The following MKS1 variants were observed in gnomAD, a reference collection of about 807,000 sequenced individuals.
MKS1 encodes MKS transition zone complex subunit 1, also known as tectonic-like complex member MKS1.
MKS1 carries 70 observed loss-of-function variants against 83.7 expected under a neutral mutation model. That is an observed-to-expected ratio of 0.84 (90% CI 0.69 to 1.02). The LOEUF is 1.02. MKS1 is among the 50% of genes least tolerant of loss of function. The pLI is 0.00. For synonymous variants in MKS1, 251 were observed against 273.4 expected (o/e 0.92, Z 0.81); for missense variants, 681 against 726.9 (o/e 0.94, Z 0.73).
chr17:58,216,640 A>C, intron 3 of MKS1, 26 bp downstream of exon 3: 1 of 1,611,562 alleles, frequency 6.2e-7, no homozygotes, highest in Middle Eastern at 1.6e-4. Context: ...TGGAATAGAC[A>C]GAGAAGACAA....
At chr17:58,208,027 G>C (rs1286584328) in intron 13 of MKS1, 26 bp from the exon 14 acceptor site, 6 of 1,611,434 alleles carry the variant, frequency 3.7e-6, no homozygotes, top group Non-Finnish European at 5.1e-6. Flanking sequence ...GAAGCGGCCA[G>C]GTCACAGGCG....
Position 58,205,935 on chromosome 17 carries a change from G to T in MKS1, c.*144C>A. On this transcript the variant is annotated 3_prime_UTR_variant, in exon 18 of 18. Coordinates refer to ENST00000393119, the MANE Select transcript of MKS1 (RefSeq NM_017777.4). ...AAGACCCTGCAGAAGGCTAGGCAGA[G>T]GGGCCAGCCGGGAATTTCCCAGCTT... The T allele has an allele frequency of 6.6e-7, 1 of 1,511,490 alleles. No individual in the cohort carries two copies. Among genetic ancestry groups the T allele is most frequent in the Admixed American group, 2.0e-5 (1 of 49,014 alleles). The allele number at this position is 1,511,490 out of a possible 1,614,324, so 93.6% of individuals were successfully genotyped here. A position where few individuals can be genotyped will look rare whatever the true frequency, so the allele number is the denominator to read the frequency against.
intron 5 of MKS1, among the ~76,000 whole-genome samples, 168 bp downstream of exon 5, chr17:58,214,573 G>A (rs1969079997): frequency 6.6e-6 from 1 of 152,098 alleles, no homozygotes; most frequent in South Asian, 2.1e-4. Context: ...TTGGAAAAAT[G>A]TCCACATGAA....
At chr17:58,213,915 G>A (rs1969034481) in intron 6 of MKS1, 46 bp from the exon 7 acceptor site, 3 of 1,506,206 alleles carry the variant, frequency 2.0e-6, no homozygotes, top group South Asian at 1.1e-5. Context: ...GGTCCTTCAG[G>A]GAAACAAGAA....
At chr17:58,212,614 G>T (rs1234966172) in intron 8 of MKS1, among the ~76,000 whole-genome samples, 180 bp from the exon 9 acceptor site, 1 of 152,212 alleles carries the variant, frequency 6.6e-6, no homozygotes, top group East Asian at 1.9e-4. Context: ...GTCTGGGGCA[G>T]AATCCTGACT....
Position 58,207,900 on chromosome 17 carries a change from T to C in MKS1, c.1267A>G (p.Thr423Ala), listed in dbSNP as rs763627565. Residue 423 changes from threonine (T) to alanine (A), a missense_variant, in exon 14 of 18, where the codon ACT (threonine) becomes GCT (alanine). Physicochemically the swap from Thr to Ala is moderately conservative, Grantham distance 58 (BLOSUM62 0). Transcript: ENST00000393119. Reference sequence around the variant, plus strand: ...GGCAGAGACGAGCGGTTACCTGGAGTGGCAGGCAGCACCACAGCCCCATAG... The same window carrying C: ...GGCAGAGACGAGCGGTTACCTGGAGCGGCAGGCAGCACCACAGCCCCATAG... ...EGYGAVVLPATPGSHTLTVST... is the reference protein window; with the variant it reads ...EGYGAVVLPAAPGSHTLTVST... The C allele has an allele frequency of 3.1e-6, 5 of 1,612,852 alleles. No homozygotes were observed. Among genetic ancestry groups the C allele is most frequent in the Admixed American group, 1.7e-5 (1 of 59,934 alleles).
chr17:58,213,186 C>T, intron 7 of MKS1, 96 bp from the exon 8 acceptor site: 5 of 1,158,336 alleles, frequency 4.3e-6, no homozygotes, highest in Non-Finnish European at 6.5e-6. Context: ...AGGGGCCATA[C>T]ACCTCACTAA....
At chr17:58,217,006 G>T (rs1377824976) in intron 2 of MKS1, among the ~76,000 whole-genome samples, 3 of 151,994 alleles carry the variant, frequency 2.0e-5, no homozygotes, top group Non-Finnish European at 4.4e-5. Flanking sequence ...TTTTTTCTGG[G>T]GGGGATGGAG....
Position 58,218,951 on chromosome 17 carries a change from G to T in MKS1, c.80+200C>A. ...TTGAGAAACTGGGAGCAACAAAGAC[G>T]TGAATGGACTTGGGTAGGTCTGTAA... is the stretch of plus-strand genomic sequence containing the variant. On this transcript the variant is annotated intron_variant, in intron 1 of 17. Coordinates refer to ENST00000393119, the MANE Select transcript of MKS1 (RefSeq NM_017777.4). 3.4e-6 allele frequency: 3 copies of T among 877,850 alleles called. No homozygotes were observed. The Admixed American group carries it at 6.3e-5, about 19-fold the overall frequency. 54.4% of individuals were successfully genotyped at this position (877,850 alleles called of 1,614,324 possible). A position where few individuals can be genotyped will look rare whatever the true frequency, so the allele number is the denominator to read the frequency against.
At chr17:58,206,436 G>C in intron 16 of MKS1, 29 bp downstream of exon 16, 1 of 1,614,022 alleles carries the variant, frequency 6.2e-7, no homozygotes, top group Non-Finnish European at 8.5e-7. Flanking sequence ...GGGCTAAGGT[G>C]CCCTGAGGCA....
Position 58,208,534 on chromosome 17 carries a change from G to A in MKS1, c.1074C>T (p.Cys358=), listed in dbSNP as rs1411471923. ...FQQLSGVTQT[C]TTKSLAMDKV... ...ATACCATTGCCAGGGACTTGGTGGT[G>A]CAGGTCTGTGTTACTCCTGAGAGCT... The change falls in exon 12 of 18, where the codon TGC becomes TGT. Residue 358 remains cysteine, a synonymous_variant. Transcript: ENST00000393119. The A allele has an allele frequency of 3.1e-6, 5 of 1,614,032 alleles. No homozygotes were observed. Among genetic ancestry groups the A allele is most frequent in the Non-Finnish European group, 2.5e-6 (3 of 1,180,022 alleles).
At chr17:58,215,941 G>T (rs968649455) in intron 4 of MKS1, 147 bp downstream of exon 4, 8 of 981,810 alleles carry the variant, frequency 8.1e-6, no homozygotes, top group Non-Finnish European at 1.3e-5. Flanking sequence ...TTCCAGGCTG[G>T]CTGCCAGCAG....
In MKS1 at chr17:58,208,149, G is replaced by A. The variant is rs773157492; in HGVS notation, c.1121C>T (p.Pro374Leu). The change falls in exon 13 of 18, where the codon CCA (proline) becomes CTA (leucine). Residue 374 changes from proline to leucine, a missense_variant. Physicochemically the swap from Pro to Leu is moderately conservative, Grantham distance 98. This residue lies in a region of MKS1 where 310 missense variants were observed against 321.7 expected (regional missense o/e 0.96). Transcript: ENST00000393119. The stretch of plus-strand genomic sequence containing the variant: ...GAGGAAGAAGGCTTCAAACGTGAAT[G>A]GGTAGGAGAAGTGAGCCACCTTGTC... ...AMDKVAHFSYPFTFEAFFLHE... is the reference protein window; with the variant it reads ...AMDKVAHFSYLFTFEAFFLHE... 24 of 1,613,758 alleles carry A rather than the reference G, an allele frequency of 1.5e-5. No homozygotes were observed. The highest frequency in any genetic ancestry group is 1.9e-5 in the Non-Finnish European group (22 of 1,179,646).
At chr17:58,212,546 G>T in intron 8 of MKS1, 112 bp from the exon 9 acceptor site, 1 of 1,190,780 alleles carries the variant, frequency 8.4e-7, no homozygotes, top group African/African-American at 1.5e-5. Flanking sequence ...AGAGCTGGAG[G>T]CGTAAGCACC....
chr17:58,213,665 A>G (rs1425438786), intron 7 of MKS1, 100 bp downstream of exon 7: 2 of 899,392 alleles, frequency 2.2e-6, no homozygotes, highest in Non-Finnish European at 3.7e-6. Context: ...AAAAGTTAGA[A>G]CAGATGAAGG....
At position 58,219,250 on chromosome 17, in the gene MKS1, G is replaced by T. The variant is rs115507363; in HGVS notation, c.-20C>A. 6.5e-7 allele frequency: 1 copy of T among 1,549,158 alleles called. No homozygotes were observed. The highest frequency in any genetic ancestry group is 8.7e-7 in the Non-Finnish European group (1 of 1,146,730). Reference sequence around the variant, plus strand: ...CGCCATGACAGCTGCGACGCGCCGCGACTGCGCCGGAAAGCGCGCCGCTCT... The same window carrying T: ...CGCCATGACAGCTGCGACGCGCCGCTACTGCGCCGGAAAGCGCGCCGCTCT... On this transcript the variant is annotated 5_prime_UTR_variant, in exon 1 of 18. Transcript: ENST00000393119.
chr17:58,210,417 G>C (rs549946792), intron 11 of MKS1, among the ~76,000 whole-genome samples: 1 of 152,154 alleles, frequency 6.6e-6, no homozygotes, highest in Non-Finnish European at 1.5e-5. Flanking sequence ...GGAGAGAGAA[G>C]TGTGGAGCCA....
At position 58,210,658 on chromosome 17, in the gene MKS1, C is replaced by T. The variant is rs199874059; in HGVS notation, c.1024+1G>A. On this transcript the variant is annotated splice_donor_variant, in intron 11 of 17. Transcript: ENST00000393119. LOFTEE classifies it high-confidence loss of function. ...AGGAGAGACTTAAGAATATTACTTA[C>T]GAGCAGTTGGCAATTCTACAAAGAA... The T allele has an allele frequency of 3.6e-5, 58 of 1,612,798 alleles. No individual in the cohort carries two copies. The highest frequency in any genetic ancestry group is 8.3e-5 in the Admixed American group (5 of 60,020).
At chr17:58,214,007 A>G in intron 6 of MKS1, 138 bp from the exon 7 acceptor site, 1 of 964,326 alleles carries the variant, frequency 1.0e-6, no homozygotes, top group Non-Finnish European at 1.6e-6. Flanking sequence ...AAGTACAACT[A>G]AGAAAAAAAA....
Sources: allele counts gnomAD v4.1 joint callset (sites outside exome capture counted in the v4.1 genomes callset), GRCh38; gene constraint gnomAD v4.1.1; regional missense constraint gnomAD v4.1.1; transcripts MANE v1.5; gene names NCBI Gene and HGNC (gene_info 2026-07-23, HGNC 2026-07-21).